FBN2: variants seen among roughly 807,000 people sequenced by gnomAD.
FBN2 encodes fibrillin-2.
A neutral mutation model predicts 355.6 loss-of-function variants in FBN2; 105 were observed. The observed-to-expected ratio is 0.30, with a 90% CI of 0.25 to 0.35. The LOEUF (loss-of-function observed/expected upper bound fraction) is 0.35, where lower values mean the gene tolerates loss of function less well. FBN2 is among the 10% of genes least tolerant of loss of function. FBN2 has a pLI of 1.00. For synonymous variants in FBN2, 1,350 were observed against 1,301.2 expected, an observed-to-expected ratio of 1.04 and a Z score of -0.81; for missense variants, 3,280 against 3,758.7, an observed-to-expected ratio of 0.87 and a Z score of 3.33.
intron 7 of FBN2, among the ~76,000 whole-genome samples, chr5:128,420,020 T>C (rs1354125234): frequency 6.6e-6 from 1 of 152,146 alleles, no homozygotes. Context: ...TTATATGGGG[T>C]TAATTTGATA....
chr5:128,323,322 C>A (rs1031516948), intron 34 of FBN2, among the ~76,000 whole-genome samples: 7 of 152,154 alleles, frequency 4.6e-5, no homozygotes, highest in Admixed American at 4.6e-4. Context: ...GAGAGGGCAT[C>A]CTTGTCTTGT....
intron 11 of FBN2, among the ~76,000 whole-genome samples, chr5:128,387,515 G>C (rs1752397691): frequency 6.6e-6 from 1 of 151,860 alleles, no homozygotes; most frequent in Non-Finnish European, 1.5e-5. Context: ...CTTTGGGGTT[G>C]GTTTGCTCTT....
rs187219675 is a variant in FBN2, at chr5:128,408,255, A to G, written c.1078+419T>C. Among the ~76,000 whole-genome samples, 398 of 152,340 alleles carry G rather than the reference A, an allele frequency of 2.6e-3. 2 individuals are homozygous for G. The highest frequency in any genetic ancestry group is 9.0e-3 in the African/African-American group (373 of 41,572). On this transcript the variant is annotated intron_variant, in intron 8 of 64. Coordinates refer to ENST00000262464, the MANE Select transcript of FBN2 (RefSeq NM_001999.4). ...AGCATACAATGGTTTTAATTTGAAT[A>G]TATTTAAACACAAAATTAAAGGTGT...
chr5:128,499,476 C>G (rs78398229), intron 5 of FBN2, among the ~76,000 whole-genome samples: 18,184 of 152,042 alleles, frequency 0.12, 1,453 homozygotes, highest in African/African-American at 0.23. Flanking sequence ...TCCAGAGATT[C>G]TTATGTAATT....
chr5:128,492,528 C>T (rs767644808), intron 5 of FBN2, among the ~76,000 whole-genome samples: 2 of 152,078 alleles, frequency 1.3e-5, no homozygotes, highest in African/African-American at 4.8e-5. Flanking sequence ...ACTGGCTGGG[C>T]GCGGTAGCTC....
At chr5:128,393,898 C>T (rs1268855098) in intron 9 of FBN2, among the ~76,000 whole-genome samples, 2 of 151,864 alleles carry the variant, frequency 1.3e-5, no homozygotes, top group Non-Finnish European at 2.9e-5. Flanking sequence ...CCTTTTTGTC[C>T]AGGTGACAAA....
chr5:128,349,733 G>A (rs1355241824), intron 22 of FBN2, among the ~76,000 whole-genome samples: 1 of 152,206 alleles, frequency 6.6e-6, no homozygotes, highest in African/African-American at 2.4e-5. Context: ...GGCTAGCGAT[G>A]TCTTCATGAA....
chr5:128,275,957 A>G, intron 59 of FBN2, 81 bp downstream of exon 59: 4 of 1,497,508 alleles, frequency 2.7e-6, no homozygotes, highest in East Asian at 2.3e-5. Flanking sequence ...TGCACATGGC[A>G]TAATTCCTGA....
At chr5:128,320,790 TC>T (rs1750347722) in intron 34 of FBN2, among the ~76,000 whole-genome samples, 1 of 152,226 alleles carries the variant, frequency 6.6e-6, no homozygotes, top group Non-Finnish European at 1.5e-5. Context: ...TACCATCATC[TC>T]AACAGTTTTA....
chr5:128,402,941 A>T (rs916537523), intron 8 of FBN2, among the ~76,000 whole-genome samples: 1 of 152,228 alleles, frequency 6.6e-6, no homozygotes, highest in African/African-American at 2.4e-5. Flanking sequence ...TCTTCCTTTA[A>T]AATAGTGAAT....
chr5:128,339,102 G>T, intron 25 of FBN2, 41 bp from the exon 26 acceptor site: 1 of 1,608,738 alleles, frequency 6.2e-7, no homozygotes, highest in East Asian at 2.2e-5. Context: ...AATTGAATGA[G>T]ATAGACTTGG....
chr5:128,389,336 C>T (rs1752450047), intron 11 of FBN2, among the ~76,000 whole-genome samples: 1 of 152,152 alleles, frequency 6.6e-6, no homozygotes, highest in South Asian at 2.1e-4. Context: ...CTGGCAGAGG[C>T]CCATCTGCTG....
At chr5:128,478,940 G>A (rs1237994063) in intron 5 of FBN2, among the ~76,000 whole-genome samples, 1 of 152,188 alleles carries the variant, frequency 6.6e-6, no homozygotes, top group Admixed American at 6.5e-5. Flanking sequence ...GAAGACAAGT[G>A]TGGGATGCAA....
At chr5:128,361,097 C>T (rs770503665) in intron 19 of FBN2, among the ~76,000 whole-genome samples, 3 of 152,292 alleles carry the variant, frequency 2.0e-5, no homozygotes, top group Admixed American at 6.5e-5. Context: ...CTTCTCTAAC[C>T]ATTTAACTCA....
intron 8 of FBN2, among the ~76,000 whole-genome samples, chr5:128,400,187 A>T (rs1010959742): frequency 1.3e-5 from 2 of 152,010 alleles, no homozygotes; most frequent in African/African-American, 4.8e-5. Flanking sequence ...TTTGTGATAC[A>T]AAACAAACCA....
intron 34 of FBN2, among the ~76,000 whole-genome samples, chr5:128,324,936 C>T (rs553302712): frequency 2.2e-4 from 33 of 152,060 alleles, no homozygotes; most frequent in African/African-American, 7.2e-4. Context: ...AGTTTCTTAA[C>T]CCTGAGTTCT....
At chr5:128,474,662 G>T (rs928013098) in intron 5 of FBN2, among the ~76,000 whole-genome samples, 3 of 152,134 alleles carry the variant, frequency 2.0e-5, no homozygotes, top group African/African-American at 7.2e-5. Context: ...CCAAATCAAT[G>T]CCTCCTGAGT....
chr5:128,365,057 T>A, intron 17 of FBN2: 2 of 252,924 alleles, frequency 7.9e-6, no homozygotes, highest in Non-Finnish European at 1.5e-5. Flanking sequence ...AAACTCGAGT[T>A]GATAGATATT....
At position 128,311,311 on chromosome 5, in the gene FBN2, C is replaced by T. The variant is rs770803581; in HGVS notation, c.5063G>A (p.Arg1688His). ...PQGYYLSEDTRICEDIDECFA... is the reference protein window; with the variant it reads ...PQGYYLSEDTHICEDIDECFA... ...CAAATTCATCTCACCTTCACAGATG[C>T]GGGTATCCTCGCTGAGGTAGTAGCC... The change falls in exon 39 of 65, where the codon CGC (arginine) becomes CAC (histidine). Residue 1688 changes from arginine to histidine, a missense_variant. By Grantham distance (29) the Arg-to-His change is conservative. Coordinates refer to ENST00000262464, the MANE Select transcript of FBN2 (RefSeq NM_001999.4). 13 of 1,613,940 alleles carry T rather than the reference C, an allele frequency of 8.1e-6. No homozygotes were observed. Among genetic ancestry groups the T allele is most frequent in the East Asian group, 6.7e-5 (3 of 44,864 alleles).
Sources: allele counts gnomAD v4.1 joint callset (sites outside exome capture counted in the v4.1 genomes callset), GRCh38; gene constraint gnomAD v4.1.1; transcripts MANE v1.5; gene names NCBI Gene and HGNC (gene_info 2026-07-23, HGNC 2026-07-21).